The following AKAP13 variants were observed in gnomAD, a reference collection of about 807,000 sequenced individuals.
AKAP13 encodes the protein A-kinase anchoring protein 13.
In AKAP13, 80 loss-of-function variants were observed where a neutral mutation model predicts 264.5. The observed-to-expected ratio is 0.30, with a 90% CI of 0.25 to 0.36. The LOEUF (loss-of-function observed/expected upper bound fraction) is 0.36, where lower values mean the gene tolerates loss of function less well. Ranked by LOEUF, AKAP13 falls within the 10% of genes least tolerant of loss-of-function variation. The pLI is 1.00. For synonymous variants in AKAP13, 1,380 were observed against 1,250.2 expected (o/e 1.10, Z -2.19); for missense variants, 3,712 against 3,435.2 (o/e 1.08, Z -2.01).
chr15:85,384,893 G>A (rs1301621530), intron 1 of AKAP13, among the ~76,000 whole-genome samples: 1 of 152,158 alleles, frequency 6.6e-6, no homozygotes, highest in African/African-American at 2.4e-5. Context: ...TTGCTGTAAG[G>A]ATGGACCTGG....
chr15:85,581,404 C>G lies in AKAP13; in HGVS notation c.3336C>G (p.Thr1112=). ...GAAGAGAGAATATATCACACAACAC[C>G]CAAGACATCCTGATTCCAAACGTCT... ...EPRRENISHN[T]QDILIPNVLL... is the part of the protein sequence containing the mutation. Residue 1112 remains threonine, a synonymous_variant, in exon 7 of 37, where the codon ACC becomes ACG. Transcript: ENST00000394518. 6.2e-7 allele frequency: 1 copy of G among 1,614,122 alleles called. No homozygotes were observed. The highest frequency in any genetic ancestry group is 1.1e-5 in the South Asian group (1 of 91,082).
At chr15:85,699,930 G>T (rs1367422320) in intron 17 of AKAP13, among the ~76,000 whole-genome samples, 1 of 152,310 alleles carries the variant, frequency 6.6e-6, no homozygotes, top group South Asian at 2.1e-4. Context: ...AAGACCCAAA[G>T]AATCTTGTGC....
At chr15:85,485,631 C>A in intron 1 of AKAP13, 79 bp from the exon 2 acceptor site, 2 of 1,256,986 alleles carry the variant, frequency 1.6e-6, no homozygotes, top group Non-Finnish European at 1.2e-6. Flanking sequence ...CTATGCTTGA[C>A]ACCTAGGACT....
chr15:85,393,755 C>T (rs1297576774), intron 1 of AKAP13, among the ~76,000 whole-genome samples: 2 of 152,152 alleles, frequency 1.3e-5, no homozygotes, highest in Non-Finnish European at 2.9e-5. Flanking sequence ...CAATTTTGAT[C>T]TGGGACATTG....
intron 8 of AKAP13, among the ~76,000 whole-genome samples, chr15:85,636,085 C>T (rs2082059512): frequency 6.6e-6 from 1 of 152,102 alleles, no homozygotes; most frequent in South Asian, 2.1e-4. Flanking sequence ...ATTAATTTTT[C>T]TCAACAATGT....
At chr15:85,722,743 C>T (rs1023929720) in intron 25 of AKAP13, among the ~76,000 whole-genome samples, 1 of 151,156 alleles carries the variant, frequency 6.6e-6, no homozygotes, top group Non-Finnish European at 1.5e-5. Flanking sequence ...CAAGGCAGTA[C>T]ATTAAAAATT....
chr15:85,708,214 A>AG lies in AKAP13; in HGVS notation c.5532+128_5532+129insG, dbSNP rs769250597. The AG allele has an allele frequency of 6.7e-6, 5 of 743,506 alleles. No homozygotes were observed. The highest frequency in any genetic ancestry group is 1.1e-5 in the Non-Finnish European group (5 of 474,160). The allele number at this position is 743,506 out of a possible 1,614,324, so 46.1% of individuals were successfully genotyped here. On this transcript the variant is annotated intron_variant, in intron 18 of 36. Coordinates refer to ENST00000394518, the MANE Select transcript of AKAP13 (RefSeq NM_007200.5). This position sits in a 1 kb window ranked among gnomAD's most constrained non-coding sequence, Gnocchi z 4.3. ...TAATCATTTGGTACCAACTTTGAGAACAAATTATAACTAAAAAATATTTTT... is the reference window on the plus strand; with the variant it reads ...TAATCATTTGGTACCAACTTTGAGAAGCAAATTATAACTAAAAAATATTTTT...
chr15:85,604,179 C>T (rs770143101), intron 8 of AKAP13, among the ~76,000 whole-genome samples: 4 of 152,122 alleles, frequency 2.6e-5, no homozygotes, highest in Non-Finnish European at 5.9e-5. Flanking sequence ...AGGGCACTGA[C>T]AACCTTAAAT....
Position 85,406,195 on chromosome 15 carries a change from A to G in AKAP13, c.-12+25397A>G, listed in dbSNP as rs185091831. On this transcript the variant is annotated intron_variant, in intron 1 of 36. Transcript: ENST00000394518. ...AAAAACTAGAGTGGATAAATAAACT[A>G]TTTCTCTGGATCTTTGATTAAGACT... Among the ~76,000 whole-genome samples, 573 of 152,088 alleles carry G rather than the reference A, an allele frequency of 3.8e-3. 1 individual carries two copies. Among genetic ancestry groups the G allele is most frequent in the Admixed American group, 7.3e-3 (111 of 15,290 alleles).
intron 8 of AKAP13, among the ~76,000 whole-genome samples, chr15:85,595,032 T>A (rs1010110319): frequency 6.6e-6 from 1 of 152,240 alleles, no homozygotes; most frequent in African/African-American, 2.4e-5. Flanking sequence ...TTTATTCATT[T>A]AGTAAACATT....
At chr15:85,504,925 C>T (rs922924855) in intron 2 of AKAP13, among the ~76,000 whole-genome samples, 1 of 151,948 alleles carries the variant, frequency 6.6e-6, no homozygotes, top group South Asian at 2.1e-4. Context: ...CCCCCTCTCC[C>T]CCTCTCTCCC....
At chr15:85,492,827 G>T (rs943575634) in intron 2 of AKAP13, among the ~76,000 whole-genome samples, 3 of 152,080 alleles carry the variant, frequency 2.0e-5, no homozygotes, top group African/African-American at 7.2e-5. Flanking sequence ...TGATGTTCTT[G>T]GAGTATCACA....
chr15:85,699,612 G>A (rs2085791874), intron 17 of AKAP13, among the ~76,000 whole-genome samples: 1 of 152,168 alleles, frequency 6.6e-6, no homozygotes. Context: ...TTATTTGTAT[G>A]TCTAAAAACA....
chr15:85,563,694 A>G (rs966298174), intron 5 of AKAP13, among the ~76,000 whole-genome samples: 1 of 152,148 alleles, frequency 6.6e-6, no homozygotes, highest in African/African-American at 2.4e-5. Flanking sequence ...GAGCAGCCCA[A>G]CCTGGATTCA....
At chr15:85,425,470 C>T (rs1567050094) in intron 1 of AKAP13, among the ~76,000 whole-genome samples, 2 of 152,126 alleles carry the variant, frequency 1.3e-5, no homozygotes, top group African/African-American at 2.4e-5. Flanking sequence ...AATCCCAGCA[C>T]TTTGGGAGGC....
At chr15:85,461,316 A>G (rs1216280793) in intron 1 of AKAP13, among the ~76,000 whole-genome samples, 1 of 152,046 alleles carries the variant, frequency 6.6e-6, no homozygotes, top group African/African-American at 2.4e-5. Context: ...GGGTTTTGCC[A>G]TGTTGGCCAG....
chr15:85,382,715 C>A (rs1278365445), intron 1 of AKAP13, among the ~76,000 whole-genome samples: 5 of 152,206 alleles, frequency 3.3e-5, no homozygotes, highest in East Asian at 1.9e-4. Flanking sequence ...TAAATGGACT[C>A]CTCCTCTAGT....
intron 1 of AKAP13, among the ~76,000 whole-genome samples, chr15:85,392,102 A>C (rs1008310541): frequency 2.6e-5 from 4 of 151,112 alleles, no homozygotes; most frequent in Non-Finnish European, 4.4e-5. Flanking sequence ...TTCTTAATAA[A>C]AGGAGTTAAT....
At chr15:85,467,366 C>T (rs796098518) in intron 1 of AKAP13, among the ~76,000 whole-genome samples, 21 of 152,232 alleles carry the variant, frequency 1.4e-4, no homozygotes, top group African/African-American at 4.1e-4. Context: ...CCCACCTTTC[C>T]GCTTCACAGC....
Sources: gnomAD v4.1 joint callset for allele counts (sites outside exome capture counted in the v4.1 genomes callset) on GRCh38, gnomAD v4.1.1 for gene constraint, Gnocchi (gnomAD v3.1) non-coding constraint, MANE v1.5 for transcripts, NCBI Gene and HGNC (gene_info 2026-07-23, HGNC 2026-07-21) for gene names.